The following NFIA variants were observed in gnomAD, a reference collection of about 807,000 sequenced individuals.
NFIA encodes the protein nuclear factor 1 A-type.
Under a neutral mutation model 62.8 loss-of-function variants are expected in NFIA, and 8 were observed. The observed-to-expected ratio is 0.13, with a 90% CI of 0.07 to 0.23. NFIA has a LOEUF of 0.23. NFIA is among the 10% of genes least tolerant of loss of function. NFIA has a pLI of 1.00. For synonymous variants in NFIA, 235 were observed against 238.1 expected (o/e 0.99, Z 0.12); for missense variants, 410 against 642.1 (o/e 0.64, Z 3.91).
chr1:61,261,179 C>T (rs921584284), intron 2 of NFIA, among the ~76,000 whole-genome samples: 2 of 152,140 alleles, frequency 1.3e-5, no homozygotes, highest in African/African-American at 2.4e-5. Flanking sequence ...TTCTGAATCC[C>T]AGGTTTCCTG....
At chr1:61,138,809 T>G (rs1406359007) in intron 2 of NFIA, among the ~76,000 whole-genome samples, 1 of 150,822 alleles carries the variant, frequency 6.6e-6, no homozygotes, top group Non-Finnish European at 1.5e-5. Context: ...CTCGAACTCC[T>G]GGCCTCAAGT....
intron 10 of NFIA, among the ~76,000 whole-genome samples, chr1:61,444,416 C>A (rs1667716758): frequency 6.6e-6 from 1 of 152,142 alleles, no homozygotes; most frequent in Admixed American, 6.5e-5. Context: ...AGTCCAGATT[C>A]CAACTGTAAA....
rs76702881 is a variant in NFIA, at chr1:61,194,693, C to G, written c.560-82827C>G. ...TTTGCTGGTAAAGAAGCACCATGTT[C>G]AAGGTCCTGTATGTAGGAACTGGCA... is the stretch of plus-strand genomic sequence containing the variant. On this transcript the variant is annotated intron_variant, in intron 2 of 10. Transcript: ENST00000403491. Among the ~76,000 whole-genome samples, 433 of 152,282 alleles carry G rather than the reference C, an allele frequency of 2.8e-3. 1 individual carries two copies. The highest frequency in any genetic ancestry group is 9.9e-3 in the African/African-American group (413 of 41,568).
At chr1:61,309,694 G>C (rs1465727447) in intron 3 of NFIA, among the ~76,000 whole-genome samples, 1 of 152,178 alleles carries the variant, frequency 6.6e-6, no homozygotes, top group African/African-American at 2.4e-5. Flanking sequence ...TTTGAGAGCA[G>C]CCTGACCAAC....
chr1:61,382,110 AC>A (rs1370634644), intron 6 of NFIA, among the ~76,000 whole-genome samples: 1 of 152,150 alleles, frequency 6.6e-6, no homozygotes, highest in Non-Finnish European at 1.5e-5. Flanking sequence ...TTGTGCTACA[AC>A]CTTAAGAGAG....
chr1:61,462,009 A>T lies in NFIA; in HGVS notation c.*6689A>T. The stretch of plus-strand genomic sequence containing the variant: ...TTTTATTTTTTGATAATAGTCTGTA[A>T]GTTAGCCTTTTTGGGTTTTTTTTTT... On this transcript the variant is annotated 3_prime_UTR_variant, in exon 11 of 11. Coordinates refer to ENST00000403491, the MANE Select transcript of NFIA (RefSeq NM_001134673.4). The T allele has an allele frequency of 7.6e-6, 1 of 130,752 alleles. No homozygotes were observed. Among genetic ancestry groups the T allele is most frequent in the African/African-American group, 3.1e-5 (1 of 32,602 alleles). The allele number at this position is 130,752 out of a possible 1,614,324, so 8.1% of individuals were successfully genotyped here.
intron 2 of NFIA, among the ~76,000 whole-genome samples, chr1:61,158,083 CAGAT>C (rs1648936598): frequency 6.6e-6 from 1 of 152,144 alleles, no homozygotes; most frequent in Non-Finnish European, 1.5e-5. Flanking sequence ...CACATTATCT[CAGAT>C]AGAGTAGGTA....
intron 9 of NFIA, among the ~76,000 whole-genome samples, chr1:61,418,892 A>G (rs1296806576): frequency 6.6e-6 from 1 of 152,196 alleles, no homozygotes; most frequent in Non-Finnish European, 1.5e-5. Flanking sequence ...TTTTTTTAGC[A>G]AACTCCAGCT....
At chr1:61,283,550 C>T (rs149749912) in intron 3 of NFIA, among the ~76,000 whole-genome samples, 1 of 124,380 alleles carries the variant, frequency 8.0e-6, no homozygotes, top group East Asian at 2.7e-4. Context: ...CCACTGCACT[C>T]CATCCTGGGT....
chr1:61,268,701 A>G (rs958616871), intron 2 of NFIA, among the ~76,000 whole-genome samples: 5 of 152,224 alleles, frequency 3.3e-5, no homozygotes, highest in Admixed American at 6.5e-5. Flanking sequence ...ATTAAATTAG[A>G]TATCTAAGCA....
At chr1:61,171,570 G>A (rs1419457230) in intron 2 of NFIA, among the ~76,000 whole-genome samples, 1 of 152,138 alleles carries the variant, frequency 6.6e-6, no homozygotes, top group Admixed American at 6.5e-5. Flanking sequence ...TTTGAGAAGA[G>A]GAGAAGTTTC....
chr1:61,344,468 A>ATT (rs147706670), intron 4 of NFIA, among the ~76,000 whole-genome samples: 2,756 of 151,846 alleles, frequency 0.018, 75 homozygotes, highest in African/African-American at 0.06. Flanking sequence ...ATATCTCTCC[A>ATT]TTTTTTCATA....
chr1:61,382,581 T>C (rs1286830221), intron 6 of NFIA, among the ~76,000 whole-genome samples: 1 of 152,212 alleles, frequency 6.6e-6, no homozygotes, highest in Non-Finnish European at 1.5e-5. Context: ...TATTTTGTAA[T>C]TGCCTTTTTC....
At chr1:61,151,364 C>CGGTG (rs1399803029) in intron 2 of NFIA, among the ~76,000 whole-genome samples, 1 of 147,370 alleles carries the variant, frequency 6.8e-6, no homozygotes, top group African/African-American at 2.5e-5. Flanking sequence ...CTTGCACCAC[C>CGGTG]GTGCCTGGCT....
chr1:61,220,189 A>T (rs1462397965), intron 2 of NFIA, among the ~76,000 whole-genome samples: 1 of 152,134 alleles, frequency 6.6e-6, no homozygotes, highest in African/African-American at 2.4e-5. Flanking sequence ...TGTTTTTTGT[A>T]ATGATCTGTC....
intron 2 of NFIA, among the ~76,000 whole-genome samples, chr1:61,153,966 A>G (rs1648610855): frequency 6.6e-6 from 1 of 152,124 alleles, no homozygotes; most frequent in South Asian, 2.1e-4. Flanking sequence ...AGTCAAGAGT[A>G]CTTTGGAATT....
intron 2 of NFIA, among the ~76,000 whole-genome samples, chr1:61,121,698 A>G (rs1227783591): frequency 6.6e-6 from 1 of 151,304 alleles, no homozygotes; most frequent in African/African-American, 2.4e-5. Flanking sequence ...CAATAAGTTA[A>G]AAGAAAGGAA....
intron 9 of NFIA, among the ~76,000 whole-genome samples, chr1:61,411,681 T>C (rs1247215693): frequency 6.6e-6 from 1 of 151,512 alleles, no homozygotes; most frequent in African/African-American, 2.4e-5. Context: ...ACGTAGGATA[T>C]AAGATGGTGA....
intron 7 of NFIA, among the ~76,000 whole-genome samples, chr1:61,389,374 C>T (rs577367777): frequency 1.8e-4 from 27 of 152,318 alleles, no homozygotes; most frequent in South Asian, 1.0e-3. Context: ...CCCATGATCA[C>T]CTGTAGCTGC....
Sources: allele counts gnomAD v4.1 joint callset (sites outside exome capture counted in the v4.1 genomes callset), GRCh38; gene constraint gnomAD v4.1.1; transcripts MANE v1.5; gene names NCBI Gene and HGNC (gene_info 2026-07-23, HGNC 2026-07-21).